Variants in CCDC66 observed in about 807,000 individuals in gnomAD.
CCDC66 encodes the protein coiled-coil domain containing 66.
CCDC66 carries 133 observed loss-of-function variants against 128.3 expected under a neutral mutation model. The observed-to-expected ratio is 1.04, with a 90% CI of 0.90 to 1.20. CCDC66 has a LOEUF of 1.20. Among genes scored for constraint, CCDC66 ranks in the 50% most tolerant of loss-of-function variants. The pLI is 0.00. For synonymous variants in CCDC66, 387 were observed against 357.0 expected, an observed-to-expected ratio of 1.08 and a Z score of -0.95; for missense variants, 1,126 against 1,075.5, an observed-to-expected ratio of 1.05 and a Z score of -0.66.
intron 3 of CCDC66, chr3:56,563,370 T>C (rs941967117): frequency 5.2e-6 from 1 of 194,034 alleles, no homozygotes; most frequent in African/African-American, 2.8e-5. Flanking sequence ...CAAAAAAAAG[T>C]AGTTAAAAAA....
chr3:56,579,652 T>C lies in CCDC66; in HGVS notation c.936+8350T>C, dbSNP rs1219975096. On this transcript the variant is annotated intron_variant, in intron 7 of 17. Coordinates refer to ENST00000394672, the MANE Select transcript of CCDC66 (RefSeq NM_001141947.3). ...TCAAAGAACATGTTAATTTCTGCCTTCATTTCGTTATGTACCCAGTAGTCA... is the reference window on the plus strand; with the variant it reads ...TCAAAGAACATGTTAATTTCTGCCTCCATTTCGTTATGTACCCAGTAGTCA... Among the ~76,000 whole-genome samples, 4 of 152,016 alleles carry C rather than the reference T, an allele frequency of 2.6e-5. 1 individual carries two copies. In the East Asian group the frequency reaches 7.9e-4, roughly 30 times the overall value.
At chr3:56,616,109 G>A in intron 13 of CCDC66, 56 bp downstream of exon 13, 1 of 1,466,654 alleles carries the variant, frequency 6.8e-7, no homozygotes, top group Non-Finnish European at 9.2e-7. Flanking sequence ...CATAATTAAA[G>A]CAGTTAGAAT....
intron 10 of CCDC66, among the ~76,000 whole-genome samples, chr3:56,594,411 GC>G (rs1410721153): frequency 6.6e-6 from 1 of 152,012 alleles, no homozygotes; most frequent in African/African-American, 2.4e-5. Context: ...TAATGGCCGG[GC>G]ACGGTGGCTC....
intron 10 of CCDC66, among the ~76,000 whole-genome samples, chr3:56,613,025 A>T (rs1178714605): frequency 6.6e-6 from 1 of 152,152 alleles, no homozygotes. Flanking sequence ...TTGCTCTTGC[A>T]GATGGTGAAT....
At position 56,557,586 on chromosome 3, in the gene CCDC66, C is replaced by T; in HGVS notation, c.11+333C>T. On this transcript the variant is annotated intron_variant, in intron 1 of 17. Coordinates refer to ENST00000394672, the MANE Select transcript of CCDC66 (RefSeq NM_001141947.3). ...GAGACAGTTAGAGGAAGCGTGGCGG[C>T]TCCTGGGGAGGACTCCTGGCCCATG... is the stretch of plus-strand genomic sequence containing the variant. The T allele has an allele frequency of 2.2e-5, 8 of 361,952 alleles. 1 individual carries two copies. The East Asian group carries it at 4.0e-4, about 18-fold the overall frequency. 22.4% of individuals were successfully genotyped at this position (361,952 alleles called of 1,614,324 possible).
chr3:56,596,632 T>C (rs2071983096), intron 10 of CCDC66, among the ~76,000 whole-genome samples: 1 of 152,066 alleles, frequency 6.6e-6, no homozygotes, highest in African/African-American at 2.4e-5. Context: ...CGTATGTTTT[T>C]GGTCCCTGTG....
chr3:56,559,608 C>G lies in CCDC66; in HGVS notation c.102+14C>G, dbSNP rs2064835350. ...ATTTCTGTGAAGGTAAGCCGTATAA[C>G]TTTGACCTGACCTGTTTTCAAATGT... On this transcript the variant is annotated intron_variant, in intron 3 of 17. Transcript: ENST00000394672. 6.6e-7 allele frequency: 1 copy of G among 1,522,314 alleles called. No individual in the cohort carries two copies. The highest frequency in any genetic ancestry group is 8.8e-7 in the Non-Finnish European group (1 of 1,133,728). The allele number at this position is 1,522,314 out of a possible 1,614,324, so 94.3% of individuals were successfully genotyped here.
intron 2 of CCDC66, 73 bp downstream of exon 2, chr3:56,558,983 C>T (rs1412206767): frequency 9.1e-7 from 1 of 1,100,604 alleles, no homozygotes; most frequent in East Asian, 2.6e-5. Flanking sequence ...GTTCAACAGA[C>T]TTTTTGCTTG....
chr3:56,598,150 T>G (rs1002571192), intron 10 of CCDC66, among the ~76,000 whole-genome samples: 2 of 109,114 alleles, frequency 1.8e-5, no homozygotes, highest in African/African-American at 5.6e-5. Flanking sequence ...TTTTGTTTTG[T>G]TTTGTTTGTT....
Position 56,563,913 on chromosome 3 carries a change from T to G in CCDC66, c.332T>G (p.Ile111Ser). The change falls in exon 4 of 18, where the codon ATT becomes AGT. Residue 111 changes from isoleucine to serine, a missense_variant. Coordinates refer to ENST00000394672, the MANE Select transcript of CCDC66 (RefSeq NM_001141947.3). Reference sequence around the variant, plus strand: ...GACTGTCTTCATATCCAGAAAGAGATTTCACCTGCAACCCCTAATATGCAG... The same window carrying G: ...GACTGTCTTCATATCCAGAAAGAGAGTTCACCTGCAACCCCTAATATGCAG... Reference protein sequence around the residue: ...DKDCLHIQKEISPATPNMQKT... With the variant: ...DKDCLHIQKESSPATPNMQKT... 1 of 1,613,598 alleles carries G rather than the reference T, an allele frequency of 6.2e-7. No homozygotes were observed. Among genetic ancestry groups the G allele is most frequent in the Non-Finnish European group, 8.5e-7 (1 of 1,179,676 alleles).
intron 13 of CCDC66, chr3:56,616,345 C>G (rs763902678): frequency 1.4e-5 from 4 of 279,306 alleles, no homozygotes; most frequent in African/African-American, 2.3e-5. Context: ...TTCTATTTCT[C>G]TTTTCTCCTC....
At chr3:56,619,640 G>C (rs2076080573) in intron 16 of CCDC66, 113 bp downstream of exon 16, 2 of 1,484,564 alleles carry the variant, frequency 1.3e-6, no homozygotes, top group African/African-American at 2.8e-5. Flanking sequence ...AAAGTTTCTT[G>C]AATATGTCTT....
chr3:56,595,191 T>A (rs2071656008), intron 10 of CCDC66, among the ~76,000 whole-genome samples: 1 of 152,254 alleles, frequency 6.6e-6, no homozygotes, highest in African/African-American at 2.4e-5. Context: ...GCGTAATGAT[T>A]CAGCCAGAGT....
At chr3:56,599,208 G>A (rs930982047) in intron 10 of CCDC66, among the ~76,000 whole-genome samples, 2 of 151,980 alleles carry the variant, frequency 1.3e-5, no homozygotes, top group Non-Finnish European at 2.9e-5. Context: ...TCTGTGTGTA[G>A]TTGTTCATAA....
chr3:56,621,774 T>C lies in CCDC66; in HGVS notation c.*156T>C. 2 of 393,722 alleles carry C rather than the reference T, an allele frequency of 5.1e-6. No homozygotes were observed. The highest frequency in any genetic ancestry group is 6.2e-5 in the South Asian group (1 of 16,006). The allele number at this position is 393,722 out of a possible 1,614,324, so 24.4% of individuals were successfully genotyped here. On this transcript the variant is annotated 3_prime_UTR_variant, in exon 18 of 18. Coordinates refer to ENST00000394672, the MANE Select transcript of CCDC66 (RefSeq NM_001141947.3). ...ACTATGTAGTAAAATGCTGTACTTG[T>C]TCTATACAATAAAACAGATACTTCT...
chr3:56,615,416 A>G (rs751454677), intron 12 of CCDC66, 144 bp downstream of exon 12: 26 of 747,528 alleles, frequency 3.5e-5, no homozygotes, highest in Non-Finnish European at 4.7e-5. Flanking sequence ...CTGCAACCTC[A>G]TATTTTTTGT....
At chr3:56,599,621 A>T (rs1195186457) in intron 10 of CCDC66, among the ~76,000 whole-genome samples, 3 of 151,744 alleles carry the variant, frequency 2.0e-5, no homozygotes, top group Admixed American at 2.0e-4. Context: ...GAATTTTTTT[A>T]AATTTTTTCC....
intron 7 of CCDC66, among the ~76,000 whole-genome samples, chr3:56,590,529 G>A (rs1484077248): frequency 1.3e-5 from 2 of 152,084 alleles, no homozygotes; most frequent in African/African-American, 2.4e-5. Flanking sequence ...AGATCAAGGC[G>A]GGTGGATTTC....
intron 13 of CCDC66, 34 bp from the exon 14 acceptor site, chr3:56,617,078 C>T (rs1261529059): frequency 6.9e-7 from 1 of 1,441,966 alleles, no homozygotes; most frequent in East Asian, 2.4e-5. Flanking sequence ...ATTTTGTTTA[C>T]AATTTTTAAA....
Sources: allele counts gnomAD v4.1 joint callset (sites outside exome capture counted in the v4.1 genomes callset), GRCh38; gene constraint gnomAD v4.1.1; transcripts MANE v1.5; gene names NCBI Gene and HGNC (gene_info 2026-07-23, HGNC 2026-07-21).